The following ZNRF1 variants were observed in gnomAD, a reference collection of about 807,000 sequenced individuals.
The protein encoded by ZNRF1 is zinc and ring finger 1, also known as E3 ubiquitin-protein ligase ZNRF1.
A neutral mutation model predicts 18.4 loss-of-function variants in ZNRF1; 3 were observed. That is an observed-to-expected ratio of 0.16 (90% CI 0.07 to 0.42). The LOEUF (loss-of-function observed/expected upper bound fraction) is 0.42, where lower values mean the gene tolerates loss of function less well. Among genes scored for constraint, ZNRF1 ranks in the 10% least tolerant of loss-of-function variants. ZNRF1 has a pLI of 0.99. For missense variants in ZNRF1, 310 were observed against 329.8 expected (o/e 0.94, Z 0.47); for synonymous variants, 157 against 144.2 (o/e 1.09, Z -0.64).
intron 1 of ZNRF1, among the ~76,000 whole-genome samples, chr16:75,067,345 C>A (rs1405938359): frequency 6.6e-6 from 1 of 152,174 alleles, no homozygotes. Flanking sequence ...TACAAGAGAA[C>A]ATAGACCCCA....
rs532590370 is a variant in ZNRF1 at position 75,011,208 on chromosome 16, G to A, written c.424+11113G>A. On this transcript the variant is annotated intron_variant, in intron 1 of 4. Transcript: ENST00000335325. ...TTAAGATTCTTTTATCCTGCTGCCT[G>A]CCTGAGTATTCTGGGAATCCTACAA... Among the ~76,000 whole-genome samples the A allele has an allele frequency of 5.9e-5, 9 of 152,276 alleles. 1 individual carries two copies. The East Asian group carries it at 1.7e-3, about 29-fold the overall frequency.
intron 1 of ZNRF1, among the ~76,000 whole-genome samples, chr16:75,051,290 C>T (rs1467688431): frequency 6.6e-6 from 1 of 152,272 alleles, no homozygotes; most frequent in East Asian, 1.9e-4. Context: ...TCACTGCAGC[C>T]TCTGCCTCCC....
intron 1 of ZNRF1, 86 bp from the exon 2 acceptor site, chr16:75,093,486 C>A: frequency 9.5e-7 from 1 of 1,049,424 alleles, no homozygotes; most frequent in African/African-American, 1.6e-5. Flanking sequence ...CCTGAGCCCA[C>A]ATGGCTGTCA....
chr16:75,064,237 G>A (rs979097381), intron 1 of ZNRF1, among the ~76,000 whole-genome samples: 3 of 152,218 alleles, frequency 2.0e-5, no homozygotes, highest in African/African-American at 7.2e-5. Context: ...GGAGGTGGAG[G>A]TTGCGGTGAG....
At chr16:75,098,339 A>C (rs1239535454) in intron 2 of ZNRF1, among the ~76,000 whole-genome samples, 1 of 152,200 alleles carries the variant, frequency 6.6e-6, no homozygotes, top group African/African-American at 2.4e-5. Flanking sequence ...CCTCAGTAGG[A>C]AAGTATGAAG....
At chr16:75,036,597 T>A (rs2035379206) in intron 1 of ZNRF1, among the ~76,000 whole-genome samples, 1 of 151,970 alleles carries the variant, frequency 6.6e-6, no homozygotes, top group African/African-American at 2.4e-5. Flanking sequence ...TCTCCTTCTT[T>A]CCTTCATTTG....
At chr16:75,095,538 G>A (rs1167398319) in intron 2 of ZNRF1, 3 of 1,448,666 alleles carry the variant, frequency 2.1e-6, no homozygotes, top group South Asian at 2.9e-5. Context: ...ACCTCATGAA[G>A]TCCTCCGTTT....
At chr16:75,084,030 C>T (rs2036046019) in intron 1 of ZNRF1, among the ~76,000 whole-genome samples, 1 of 152,202 alleles carries the variant, frequency 6.6e-6, no homozygotes, top group Admixed American at 6.5e-5. Context: ...GGACTCTGCT[C>T]ACCATTGTTA....
At chr16:75,077,622 A>C (rs2035957212) in intron 1 of ZNRF1, among the ~76,000 whole-genome samples, 1 of 152,240 alleles carries the variant, frequency 6.6e-6, no homozygotes, top group Non-Finnish European at 1.5e-5. Flanking sequence ...TGCTGTAGCA[A>C]ATATCCACAA....
chr16:75,093,642 G>A lies in ZNRF1; in HGVS notation c.495G>A (p.Leu165=). The A allele has an allele frequency of 1.9e-6, 3 of 1,614,030 alleles. No homozygotes were observed. The highest frequency in any genetic ancestry group is 2.5e-6 in the Non-Finnish European group (3 of 1,179,918). ...DEMEMHFIMC[L]SKPRLSYNDD... is the part of the protein sequence containing the mutation. The stretch of plus-strand genomic sequence containing the variant: ...TGGAAATGCACTTTATAATGTGTTT[G>A]AGCAAACCTCGCCTCTCCTACAACG... The change falls in exon 2 of 5, where the codon TTG becomes TTA. Residue 165 remains leucine, a synonymous_variant. Transcript: ENST00000335325.
In ZNRF1 at chr16:75,082,936, A is replaced by G. The variant is rs1384549809; in HGVS notation, c.425-10636A>G. 3.3e-5 allele frequency among the ~76,000 whole-genome samples: 5 copies of G among 152,206 alleles called. No individual in the cohort carries two copies. The East Asian group carries it at 7.7e-4, about 23-fold the overall frequency. ...TCATATATGTATTTTTCATATGTTCATTGATTCTAAGGCACAGACACTTCA... is the reference window on the plus strand; with the variant it reads ...TCATATATGTATTTTTCATATGTTCGTTGATTCTAAGGCACAGACACTTCA... On this transcript the variant is annotated intron_variant, in intron 1 of 4. Transcript: ENST00000335325.
intron 1 of ZNRF1, among the ~76,000 whole-genome samples, chr16:75,090,117 G>A (rs368531143): frequency 3.9e-5 from 6 of 152,158 alleles, no homozygotes; most frequent in African/African-American, 1.4e-4. Context: ...TTATTTAAAG[G>A]GTTGCAAAAC....
In ZNRF1 at chr16:75,093,555, A is replaced by G. The variant is rs2036165765; in HGVS notation, c.425-17A>G. 6.2e-7 allele frequency: 1 copy of G among 1,601,494 alleles called. No individual in the cohort carries two copies. Among genetic ancestry groups the G allele is most frequent in the South Asian group, 1.1e-5 (1 of 90,830 alleles). ...GGATCTGGAGAAAACATTTCATCCC[A>G]TTCTCCTCTCTTTCAGGTTTCAAGT... On this transcript the variant is annotated splice_polypyrimidine_tract_variant and intron_variant, in intron 1 of 4. Coordinates refer to ENST00000335325, the MANE Select transcript of ZNRF1 (RefSeq NM_032268.5).
At chr16:75,069,255 G>C (rs991969606) in intron 1 of ZNRF1, among the ~76,000 whole-genome samples, 1 of 152,038 alleles carries the variant, frequency 6.6e-6, no homozygotes, top group Non-Finnish European at 1.5e-5. Flanking sequence ...TTGGCAGGGG[G>C]GTTATTTTTT....
At chr16:75,044,850 G>C (rs75377987) in intron 1 of ZNRF1, among the ~76,000 whole-genome samples, 1 of 152,210 alleles carries the variant, frequency 6.6e-6, no homozygotes, top group Non-Finnish European at 1.5e-5. Flanking sequence ...ATGTTAAGCA[G>C]CTTATCTGTT....
chr16:75,101,559 G>GAGAACGCCCCTA lies in ZNRF1; in HGVS notation c.521-3224_521-3213dup, dbSNP rs562309533. On this transcript the variant is annotated intron_variant, in intron 2 of 4. Transcript: ENST00000335325. ...GACTCCATGTCAAAAAAAAAAGAGA[G>GAGAACGCCCCTA]AGAACGCCCCTATTACATAGCACAT... Among the ~76,000 whole-genome samples, 20 of 152,112 alleles carry GAGAACGCCCCTA rather than the reference G, an allele frequency of 1.3e-4. 2 individuals are homozygous for GAGAACGCCCCTA. The highest frequency in any genetic ancestry group is 1.0e-3 in the South Asian group (5 of 4,820).
intron 2 of ZNRF1, among the ~76,000 whole-genome samples, chr16:75,103,348 A>G (rs753596549): frequency 1.3e-5 from 2 of 152,130 alleles, no homozygotes; most frequent in Admixed American, 1.3e-4. Context: ...TATATGTGCA[A>G]TTTAATAGCA....
At chr16:75,037,312 A>T (rs2035387506) in intron 1 of ZNRF1, among the ~76,000 whole-genome samples, 1 of 151,970 alleles carries the variant, frequency 6.6e-6, no homozygotes, top group Non-Finnish European at 1.5e-5. Flanking sequence ...ACTCAGTTTT[A>T]ATGTCACTTG....
intron 1 of ZNRF1, among the ~76,000 whole-genome samples, chr16:75,047,908 C>T (rs1259895027): frequency 2.6e-5 from 4 of 151,738 alleles, no homozygotes; most frequent in Non-Finnish European, 4.4e-5. Flanking sequence ...TCCGCTTCTC[C>T]GTGTCCTGAC....
Sources: gnomAD v4.1 joint callset for allele counts (sites outside exome capture counted in the v4.1 genomes callset) on GRCh38, gnomAD v4.1.1 for gene constraint, MANE v1.5 for transcripts, NCBI Gene and HGNC (gene_info 2026-07-23, HGNC 2026-07-21) for gene names.